The following PRH1 variants were observed in gnomAD, a reference collection of about 807,000 sequenced individuals.
The protein encoded by PRH1 is salivary acidic proline-rich phosphoprotein 1/2.
In PRH1, 7 loss-of-function variants were observed where a neutral mutation model predicts 7.9. The observed-to-expected ratio is 0.89, with a 90% CI of 0.50 to 1.67. The LOEUF (loss-of-function observed/expected upper bound fraction) is 1.67, where lower values mean the gene tolerates loss of function less well. Ranked by LOEUF, PRH1 falls within the 40% of genes most tolerant of loss-of-function variation. The pLI, the probability that PRH1 is intolerant of heterozygous loss-of-function variation, is 0.00. For synonymous variants in PRH1, 45 were observed against 80.8 expected, an observed-to-expected ratio of 0.56 and a Z score of 2.38; for missense variants, 109 against 223.6, an observed-to-expected ratio of 0.49 and a Z score of 3.27.
intron 1 of PRH1, among the ~76,000 whole-genome samples, chr12:11,098,789 T>C (rs993784724): frequency 6.6e-6 from 1 of 152,194 alleles, no homozygotes. Flanking sequence ...AATACTTTTG[T>C]ATAACTTCAT....
intron 2 of PRH1, among the ~76,000 whole-genome samples, chr12:10,959,562 A>C (rs1444317781): frequency 1.3e-5 from 2 of 152,170 alleles, no homozygotes; most frequent in African/African-American, 4.8e-5. Flanking sequence ...TAAGATACTA[A>C]CAGATACTGA....
intron 1 of PRH1, among the ~76,000 whole-genome samples, chr12:10,992,404 GT>G (rs35530372): frequency 0.31 from 46,147 of 151,166 alleles, 8,836 homozygotes; most frequent in East Asian, 0.74. Context: ...TCGGTTGTTC[GT>G]TTTTTTTTGT....
In PRH1 at chr12:11,108,023, T is replaced by C. The variant is rs572518346; in HGVS notation, n.124-60835A>G. 1.9e-4 allele frequency among the ~76,000 whole-genome samples: 29 copies of C among 152,192 alleles called. 1 individual carries two copies. Among genetic ancestry groups the C allele is most frequent in the Non-Finnish European group, 3.7e-4 (25 of 68,014 alleles). ...CATATTAAAAGTGCAGAGAGTGGTA[T>C]GACATATTAAAAGTGCTGAAGGAAG... is the stretch of plus-strand genomic sequence containing the variant. On this transcript the variant is annotated intron_variant and non_coding_transcript_variant, in intron 1 of 4. Transcript: ENST00000541977.
intron 1 of PRH1, among the ~76,000 whole-genome samples, chr12:11,031,622 C>CT (rs1236183361): frequency 2.0e-5 from 3 of 151,894 alleles, no homozygotes; most frequent in South Asian, 2.1e-4. Flanking sequence ...TCCCATTTTC[C>CT]TTTTTTTGTC....
intron 1 of PRH1, among the ~76,000 whole-genome samples, chr12:11,149,995 A>G (rs1947012178): frequency 8.2e-6 from 1 of 121,696 alleles, no homozygotes; most frequent in Non-Finnish European, 1.9e-5. Context: ...CAACCCCATC[A>G]AAAAGTGGGC....
intron 1 of PRH1, among the ~76,000 whole-genome samples, chr12:11,069,692 G>A (rs1428400307): frequency 1.3e-5 from 2 of 152,206 alleles, no homozygotes; most frequent in African/African-American, 2.4e-5. Context: ...TAAGCCAATA[G>A]TTGAAGAGGC....
At chr12:11,023,788 G>A (rs1371463527) in intron 1 of PRH1, among the ~76,000 whole-genome samples, 3 of 152,200 alleles carry the variant, frequency 2.0e-5, no homozygotes, top group Admixed American at 6.5e-5. Flanking sequence ...GATGCAGTAC[G>A]TGGCCCATCT....
At chr12:11,033,600 C>T (rs868682123) in intron 1 of PRH1, among the ~76,000 whole-genome samples, 3 of 151,878 alleles carry the variant, frequency 2.0e-5, no homozygotes, top group African/African-American at 7.3e-5. Context: ...CCTGTGAGGT[C>T]GATAATTAAG....
chr12:10,929,968 C>G (rs1306217537), intron 2 of PRH1, among the ~76,000 whole-genome samples: 1 of 152,110 alleles, frequency 6.6e-6, no homozygotes, highest in Non-Finnish European at 1.5e-5. Flanking sequence ...GCAGAAGGAT[C>G]CCCAAATATT....
At chr12:11,002,430 T>G (rs1591795987) in intron 1 of PRH1, among the ~76,000 whole-genome samples, 1 of 152,126 alleles carries the variant, frequency 6.6e-6, no homozygotes, top group Admixed American at 6.6e-5. Context: ...TCCAATGATT[T>G]ACTGGCTATT....
intron 1 of PRH1, among the ~76,000 whole-genome samples, chr12:11,100,819 CCTTT>C (rs762528045): frequency 1.1e-4 from 16 of 152,034 alleles, no homozygotes; most frequent in South Asian, 2.1e-4. Flanking sequence ...AAAAAATTTG[CCTTT>C]CTATGATTTT....
upstream of PRH1, among the ~76,000 whole-genome samples, chr12:11,050,948 AT>A (rs376290719): frequency 9.3e-4 from 142 of 152,398 alleles, no homozygotes; most frequent in African/African-American, 3.3e-3. Flanking sequence ...TCCAGCCTAA[AT>A]CAGCCAAAGT....
intron 1 of PRH1, among the ~76,000 whole-genome samples, chr12:11,011,912 A>G (rs1466275106): frequency 6.6e-6 from 1 of 152,178 alleles, no homozygotes; most frequent in African/African-American, 2.4e-5. Context: ...ATGGAAAATG[A>G]ATTTCAGGCA....
chr12:11,123,170 T>C (rs1945969991), intron 1 of PRH1, among the ~76,000 whole-genome samples: 2 of 152,396 alleles, frequency 1.3e-5, no homozygotes, highest in Non-Finnish European at 2.9e-5. Flanking sequence ...ATGTGATTCA[T>C]TTATTTTCAC....
At chr12:10,882,076 A>C (rs1289351986) in intron 3 of PRH1, 141 bp downstream of exon 3, 1 of 1,483,736 alleles carries the variant, frequency 6.7e-7, no homozygotes, top group African/African-American at 1.4e-5. Context: ...TACTCTATAC[A>C]AGAATATCTG....
chr12:11,074,459 C>G (rs11522334), intron 1 of PRH1, among the ~76,000 whole-genome samples: 16,991 of 120,052 alleles, frequency 0.14, 1,761 homozygotes, highest in Non-Finnish European at 0.16. Context: ...GTGAGAGTTC[C>G]ATGAGGGCAT....
At chr12:10,937,590 C>G (rs1320789501) in intron 2 of PRH1, 7 of 152,124 alleles carry the variant, frequency 4.6e-5, no homozygotes, top group South Asian at 2.1e-4. Context: ...GATTACTTAA[C>G]ACTTTGAATG....
At chr12:11,054,888 T>TGCCTCACTGCAAGCTCC (rs1194169477) in intron 1 of PRH1, among the ~76,000 whole-genome samples, 79 of 133,306 alleles carry the variant, frequency 5.9e-4, no homozygotes, top group East Asian at 2.0e-3. Flanking sequence ...CTGCAAGCTC[T>TGCCTCACTGCAAGCTCC]GCCTCACTGC....
At chr12:11,053,058 T>C (rs146085650) in intron 1 of PRH1, among the ~76,000 whole-genome samples, 29 of 152,420 alleles carry the variant, frequency 1.9e-4, no homozygotes, top group African/African-American at 6.5e-4. Flanking sequence ...AACTGGAAAT[T>C]AAGTTGATGT....
Sources: allele counts gnomAD v4.1 joint callset (sites outside exome capture counted in the v4.1 genomes callset), GRCh38; gene constraint gnomAD v4.1.1; transcripts MANE v1.5; gene names NCBI Gene and HGNC (gene_info 2026-07-23, HGNC 2026-07-21).